KIAA1328: variants seen among roughly 807,000 people sequenced by gnomAD.
The protein encoded by KIAA1328 is KIAA1328, also known as protein hinderin.
Under a neutral mutation model 68.1 loss-of-function variants are expected in KIAA1328, and 52 were observed. The ratio of observed to expected loss-of-function variants is 0.76; its 90% CI spans 0.61 to 0.96. The LOEUF (loss-of-function observed/expected upper bound fraction) is 0.96, where lower values mean the gene tolerates loss of function less well. Among genes scored for constraint, KIAA1328 ranks in the 40% least tolerant of loss-of-function variants. The probability of loss-of-function intolerance (pLI) is 0.00; values close to 1 mark genes in which losing one functional copy is unlikely to be tolerated. For missense variants in KIAA1328, 641 were observed against 677.6 expected, an observed-to-expected ratio of 0.95 and a Z score of 0.60; for synonymous variants, 232 against 239.4, an observed-to-expected ratio of 0.97 and a Z score of 0.28.
chr18:36,838,857 C>G (rs905220089), intron 3 of KIAA1328, among the ~76,000 whole-genome samples: 3 of 152,128 alleles, frequency 2.0e-5, no homozygotes, highest in African/African-American at 7.2e-5. Flanking sequence ...ACCTCAGCCT[C>G]CTGAGTAGCT....
intron 3 of KIAA1328, 110 bp downstream of exon 3, chr18:36,835,486 T>C: frequency 9.6e-7 from 1 of 1,045,856 alleles, no homozygotes; most frequent in Non-Finnish European, 1.4e-6. Flanking sequence ...ACAAACATTC[T>C]TAAAAGATAC....
intron 7 of KIAA1328, among the ~76,000 whole-genome samples, chr18:37,087,934 C>G (rs2057152850): frequency 6.6e-6 from 1 of 152,150 alleles, no homozygotes; most frequent in South Asian, 2.1e-4. Flanking sequence ...TTCAGCCTCT[C>G]CTGGGGGATA....
intron 4 of KIAA1328, among the ~76,000 whole-genome samples, chr18:36,847,002 T>C (rs2047052466): frequency 1.3e-5 from 2 of 151,728 alleles, no homozygotes; most frequent in Admixed American, 1.3e-4. Flanking sequence ...GACTAATCTA[T>C]GTAACTCATA....
chr18:36,840,366 G>C (rs946544006), intron 3 of KIAA1328, among the ~76,000 whole-genome samples: 6 of 152,094 alleles, frequency 3.9e-5, no homozygotes, highest in Non-Finnish European at 1.5e-5. Context: ...ACATTGTCGG[G>C]GGTATATGTG....
At chr18:37,150,275 T>C (rs1023978552) in intron 7 of KIAA1328, among the ~76,000 whole-genome samples, 7 of 152,144 alleles carry the variant, frequency 4.6e-5, no homozygotes, top group African/African-American at 1.7e-4. Flanking sequence ...GAGATAATTA[T>C]TTGTTGTGAG....
chr18:36,940,729 G>T (rs2050678781), intron 5 of KIAA1328, among the ~76,000 whole-genome samples: 1 of 146,868 alleles, frequency 6.8e-6, no homozygotes, highest in Admixed American at 6.9e-5. Context: ...AGGCTGGAGT[G>T]CAGTGGTGCG....
chr18:37,058,119 C>T (rs888963836), intron 6 of KIAA1328, among the ~76,000 whole-genome samples: 1 of 152,080 alleles, frequency 6.6e-6, no homozygotes. Flanking sequence ...TAGGGTTGTT[C>T]TGTAGGGGCT....
intron 5 of KIAA1328, among the ~76,000 whole-genome samples, chr18:36,931,483 C>G (rs1434262670): frequency 6.6e-6 from 1 of 152,040 alleles, no homozygotes; most frequent in Non-Finnish European, 1.5e-5. Context: ...TTCCCCCGAC[C>G]ATACCACCCC....
intron 1 of KIAA1328, chr18:36,829,521 CAG>C: frequency 2.9e-6 from 3 of 1,038,618 alleles, no homozygotes; most frequent in Non-Finnish European, 3.6e-6. Context: ...CCCACCCTGT[CAG>C]AGTGCCCCCA....
At chr18:37,140,297 G>T (rs1247750236) in intron 7 of KIAA1328, among the ~76,000 whole-genome samples, 2 of 151,938 alleles carry the variant, frequency 1.3e-5, no homozygotes. Flanking sequence ...CTTTGTAAAA[G>T]TATTTCAGTC....
intron 7 of KIAA1328, among the ~76,000 whole-genome samples, chr18:37,075,889 C>T (rs1270276835): frequency 6.6e-6 from 1 of 152,170 alleles, no homozygotes; most frequent in South Asian, 2.1e-4. Context: ...TAATGGGAGA[C>T]TTTAACAACC....
intron 5 of KIAA1328, 128 bp from the exon 6 acceptor site, chr18:36,959,180 A>G: frequency 1.3e-6 from 1 of 797,042 alleles, no homozygotes; most frequent in East Asian, 3.1e-5. Context: ...AAGACTTTAT[A>G]CTTATGACTC....
intron 7 of KIAA1328, among the ~76,000 whole-genome samples, chr18:37,127,254 A>G (rs1404159573): frequency 1.3e-5 from 2 of 152,196 alleles, no homozygotes; most frequent in African/African-American, 4.8e-5. Context: ...ACAAAAATGA[A>G]TTTTATCTCT....
At chr18:37,180,928 C>T (rs1031378047) in intron 9 of KIAA1328, among the ~76,000 whole-genome samples, 1 of 152,014 alleles carries the variant, frequency 6.6e-6, no homozygotes, top group Non-Finnish European at 1.5e-5. Flanking sequence ...TTACATTGGG[C>T]ATATACAGAT....
At chr18:37,124,876 A>G (rs2058355829) in intron 7 of KIAA1328, among the ~76,000 whole-genome samples, 1 of 152,196 alleles carries the variant, frequency 6.6e-6, no homozygotes, top group African/African-American at 2.4e-5. Context: ...GGAAAATAGC[A>G]GTGAGGTGTC....
chr18:37,084,050 C>G, intron 7 of KIAA1328: 1 of 732,732 alleles, frequency 1.4e-6, no homozygotes. Flanking sequence ...GCTGAAAGAG[C>G]ATGGTTTTCC....
chr18:37,030,580 G>T (rs1297549214), intron 6 of KIAA1328, among the ~76,000 whole-genome samples: 2 of 151,990 alleles, frequency 1.3e-5, no homozygotes, highest in Non-Finnish European at 2.9e-5. Context: ...ATATGATCTG[G>T]CCAATTTTGG....
At chr18:36,968,641 T>G (rs2052042822) in intron 6 of KIAA1328, among the ~76,000 whole-genome samples, 1 of 152,170 alleles carries the variant, frequency 6.6e-6, no homozygotes, top group Admixed American at 6.6e-5. Flanking sequence ...ATAAAGCAAG[T>G]TCTTAGAGAC....
chr18:37,158,987 A>G (rs1309053937), intron 7 of KIAA1328, among the ~76,000 whole-genome samples: 1 of 152,110 alleles, frequency 6.6e-6, no homozygotes, highest in Non-Finnish European at 1.5e-5. Context: ...TGCAATTTGT[A>G]TAACCCTAAG....
Sources: allele counts gnomAD v4.1 joint callset (sites outside exome capture counted in the v4.1 genomes callset), GRCh38; gene constraint gnomAD v4.1.1; transcripts MANE v1.5; gene names NCBI Gene and HGNC (gene_info 2026-07-23, HGNC 2026-07-21).